SLC5A4: variants seen among roughly 807,000 people sequenced by gnomAD.
SLC5A4 encodes solute carrier family 5 member 4, also known as probable glucose sensor protein SLC5A4.
Under a neutral mutation model 70.3 loss-of-function variants are expected in SLC5A4, and 55 were observed. That is an observed-to-expected ratio of 0.78 (90% CI 0.63 to 0.98). The LOEUF (loss-of-function observed/expected upper bound fraction) is 0.98. Ranked by LOEUF, SLC5A4 falls within the 50% of genes least tolerant of loss-of-function variation. SLC5A4 has a pLI of 0.00. For missense variants in SLC5A4, 735 were observed against 839.2 expected, an observed-to-expected ratio of 0.88 and a Z score of 1.53; for synonymous variants, 268 against 305.7, an observed-to-expected ratio of 0.88 and a Z score of 1.29.
intron 3 of SLC5A4, among the ~76,000 whole-genome samples, chr22:32,251,398 T>C (rs938824139): frequency 1.3e-5 from 2 of 152,050 alleles, no homozygotes; most frequent in Non-Finnish European, 2.9e-5. Context: ...GATAATGGGT[T>C]AGTTATAGTA....
At chr22:32,271,354 T>C in the SLC5A4 span, 1 of 737,870 alleles carries the variant, frequency 1.4e-6, no homozygotes, top group Non-Finnish European at 2.4e-6. Context: ...GAGGTGCTGC[T>C]GGTTGTGCTG....
chr22:32,288,083 C>G, the SLC5A4 span, among the ~76,000 whole-genome samples: 1 of 151,108 alleles, frequency 6.6e-6, no homozygotes, highest in African/African-American at 2.4e-5. Context: ...TTCCTGACCT[C>G]AGGTGATCCA....
At chr22:32,309,633 T>C in the SLC5A4 span, among the ~76,000 whole-genome samples, 1 of 152,006 alleles carries the variant, frequency 6.6e-6, no homozygotes, top group Non-Finnish European at 1.5e-5. Context: ...CAGGAGCCCT[T>C]GACACCACTG....
intron 2 of SLC5A4, among the ~76,000 whole-genome samples, chr22:32,252,375 T>C (rs1927224519): frequency 1.3e-5 from 2 of 152,360 alleles, no homozygotes; most frequent in African/African-American, 2.4e-5. Flanking sequence ...AATGTTTTTT[T>C]ACATTTTTGC....
intron 6 of SLC5A4, 117 bp from the exon 7 acceptor site, chr22:32,237,441 A>G (rs1399945101): frequency 1.5e-6 from 1 of 648,656 alleles, no homozygotes; most frequent in African/African-American, 1.9e-5. Context: ...GAAGACATCA[A>G]AAGCTCCTGG....
chr22:32,235,163 C>T, intron 7 of SLC5A4, 70 bp from the exon 8 acceptor site: 2 of 1,165,058 alleles, frequency 1.7e-6, no homozygotes, highest in Non-Finnish European at 2.5e-6. Context: ...ATGATGACTA[C>T]TTTTTGGTGG....
At chr22:32,313,070 C>G in the SLC5A4 span, among the ~76,000 whole-genome samples, 1 of 152,090 alleles carries the variant, frequency 6.6e-6, no homozygotes, top group African/African-American at 2.4e-5. Flanking sequence ...AAAGCATAGA[C>G]TAGGACTGGA....
chr22:32,336,406 G>C, the SLC5A4 span, among the ~76,000 whole-genome samples: 4 of 152,242 alleles, frequency 2.6e-5, no homozygotes, highest in African/African-American at 7.2e-5. Context: ...TAGTTGCTGC[G>C]TTAAGGCATT....
At chr22:32,333,803 C>T in the SLC5A4 span, among the ~76,000 whole-genome samples, 1 of 149,300 alleles carries the variant, frequency 6.7e-6, no homozygotes, top group Non-Finnish European at 1.5e-5. Context: ...CCACACAGAT[C>T]CACACAATAT....
chr22:32,251,746 G>C (rs761019015), intron 3 of SLC5A4, 24 bp downstream of exon 3: 2 of 1,411,792 alleles, frequency 1.4e-6, no homozygotes, highest in South Asian at 2.3e-5. Context: ...TGATTTGAAG[G>C]AAAAAGCCTA....
intron 6 of SLC5A4, among the ~76,000 whole-genome samples, chr22:32,238,752 C>T (rs751577830): frequency 1.3e-5 from 2 of 152,208 alleles, no homozygotes; most frequent in Non-Finnish European, 2.9e-5. Context: ...TGACCTGTTT[C>T]CTACCCCATC....
At chr22:32,267,732 C>T in the SLC5A4 span, among the ~76,000 whole-genome samples, 1 of 152,238 alleles carries the variant, frequency 6.6e-6, no homozygotes, top group African/African-American at 2.4e-5. Flanking sequence ...ACTGAAAGCA[C>T]ATCTCAATTC....
chr22:32,351,610 G>A, the SLC5A4 span, among the ~76,000 whole-genome samples: 3 of 149,230 alleles, frequency 2.0e-5, no homozygotes, highest in Non-Finnish European at 4.4e-5. Flanking sequence ...GCTGAGGCAG[G>A]AGAATTGCTT....
At chr22:32,286,068 A>T in the SLC5A4 span, among the ~76,000 whole-genome samples, 2 of 152,186 alleles carry the variant, frequency 1.3e-5, no homozygotes, top group African/African-American at 4.8e-5. Context: ...ACAGGAGTCC[A>T]ATTTTATTTT....
the SLC5A4 span, among the ~76,000 whole-genome samples, chr22:32,347,706 G>A: frequency 8.4e-6 from 1 of 119,292 alleles, no homozygotes; most frequent in Non-Finnish European, 1.7e-5. Flanking sequence ...GGACTGTTGT[G>A]GGGTGGGGGG....
At chr22:32,347,466 CAAT>C in the SLC5A4 span, among the ~76,000 whole-genome samples, 1 of 152,034 alleles carries the variant, frequency 6.6e-6, no homozygotes, top group Non-Finnish European at 1.5e-5. Context: ...AAATGTCCAA[CAAT>C]GATAGACTGG....
At chr22:32,269,794 T>C in the SLC5A4 span, 111 of 688,260 alleles carry the variant, frequency 1.6e-4, no homozygotes, top group East Asian at 4.2e-3. This position sits in a 1 kb window ranked among gnomAD's most constrained non-coding sequence, Gnocchi z 4.1. Flanking sequence ...CAGGCCACCT[T>C]CATCTCCCAT....
chr22:32,307,078 G>A, the SLC5A4 span, among the ~76,000 whole-genome samples: 8 of 152,044 alleles, frequency 5.3e-5, no homozygotes, highest in African/African-American at 7.2e-5. Context: ...CCAACCCAAG[G>A]GTAACCATTC....
chr22:32,308,768 ATGTG>A, the SLC5A4 span, among the ~76,000 whole-genome samples: 5 of 68,248 alleles, frequency 7.3e-5, no homozygotes, highest in Admixed American at 3.9e-4. Flanking sequence ...AATCACATGT[ATGTG>A]TGTGAGGGCA....
Sources: gnomAD v4.1 joint callset for allele counts (sites outside exome capture counted in the v4.1 genomes callset) on GRCh38, gnomAD v4.1.1 for gene constraint, Gnocchi (gnomAD v3.1) non-coding constraint, MANE v1.5 for transcripts, NCBI Gene and HGNC (gene_info 2026-07-23, HGNC 2026-07-21) for gene names.